Variants in JMJD1C observed in about 807,000 individuals in gnomAD.
The protein encoded by JMJD1C is jumonji domain-containing protein 1C.
JMJD1C carries 31 observed loss-of-function variants against 245.3 expected under a neutral mutation model. The ratio of observed to expected loss-of-function variants is 0.13; its 90% CI spans 0.09 to 0.17. The LOEUF (loss-of-function observed/expected upper bound fraction) is 0.17. JMJD1C is among the 10% of genes least tolerant of loss of function. The pLI, the probability that JMJD1C is intolerant of heterozygous loss-of-function variation, is 1.00. For synonymous variants in JMJD1C, 1,057 were observed against 1,017.4 expected, an observed-to-expected ratio of 1.04 and a Z score of -0.74; for missense variants, 2,691 against 3,000.2, an observed-to-expected ratio of 0.90 and a Z score of 2.41.
At chr10:63,316,393 T>A (rs1219051338) in intron 2 of JMJD1C, among the ~76,000 whole-genome samples, 4 of 152,184 alleles carry the variant, frequency 2.6e-5, no homozygotes, top group African/African-American at 7.2e-5. Context: ...TTCTTACGTG[T>A]TTTTTGGTTT....
intron 1 of JMJD1C, among the ~76,000 whole-genome samples, chr10:63,450,884 G>A (rs1436963897): frequency 1.4e-5 from 2 of 147,626 alleles, no homozygotes. Context: ...GACATAATTT[G>A]TTATGTACAA....
intron 2 of JMJD1C, among the ~76,000 whole-genome samples, chr10:63,272,790 T>A (rs1417497525): frequency 6.6e-6 from 1 of 152,238 alleles, no homozygotes; most frequent in Non-Finnish European, 1.5e-5. Flanking sequence ...TTATTGTACA[T>A]TAGAAAATTT....
At chr10:63,211,542 A>C (rs937711678) in intron 8 of JMJD1C, among the ~76,000 whole-genome samples, 1 of 151,984 alleles carries the variant, frequency 6.6e-6, no homozygotes, top group Non-Finnish European at 1.5e-5. Context: ...TACCCAAAAC[A>C]TAATGACTCC....
intron 3 of JMJD1C, among the ~76,000 whole-genome samples, chr10:63,243,124 T>TATATATATATATAA (rs1491362612): frequency 1.2e-5 from 1 of 85,744 alleles, no homozygotes; most frequent in African/African-American, 2.9e-5. Flanking sequence ...TATATATATA[T>TATATATATATATAA]AAATATATAT....
At chr10:63,172,319 A>G (rs1842443958) in intron 24 of JMJD1C, among the ~76,000 whole-genome samples, 1 of 152,238 alleles carries the variant, frequency 6.6e-6, no homozygotes, top group Non-Finnish European at 1.5e-5. Context: ...TTTTGGAAGT[A>G]GCCAGAGAAA....
At chr10:63,319,420 A>C (rs1224059190) in intron 2 of JMJD1C, among the ~76,000 whole-genome samples, 6 of 149,676 alleles carry the variant, frequency 4.0e-5, no homozygotes, top group Non-Finnish European at 8.9e-5. Context: ...TGGCAGTCTT[A>C]TATTTTAACT....
At chr10:63,168,659 T>C in intron 24 of JMJD1C, 93 bp from the exon 25 acceptor site, 1 of 1,139,088 alleles carries the variant, frequency 8.8e-7, no homozygotes, top group Non-Finnish European at 1.2e-6. Flanking sequence ...CAAGAGACAA[T>C]TCTGCTGGAG....
intron 24 of JMJD1C, among the ~76,000 whole-genome samples, chr10:63,171,788 T>A (rs1345185990): frequency 6.6e-6 from 1 of 152,092 alleles, no homozygotes; most frequent in African/African-American, 2.4e-5. Context: ...GAATACTGAT[T>A]TAGAGTCTGA....
At position 63,178,089 on chromosome 10, in the gene JMJD1C, A is replaced by G. The variant is rs1429988551; in HGVS notation, c.7085-233T>C. Among the ~76,000 whole-genome samples, 2 of 152,052 alleles carry G rather than the reference A, an allele frequency of 1.3e-5. 1 individual carries two copies. The highest frequency in any genetic ancestry group is 1.3e-4 in the Admixed American group (2 of 15,260). ...TCAAGTAGCTGGGACTACAGGTGCA[A>G]GCTGTCACACCCGACTAATTGTTTG... On this transcript the variant is annotated intron_variant, in intron 22 of 25. Transcript: ENST00000399262.
intron 1 of JMJD1C, among the ~76,000 whole-genome samples, chr10:63,516,630 A>G (rs1955026082): frequency 6.6e-6 from 1 of 152,200 alleles, no homozygotes; most frequent in Non-Finnish European, 1.5e-5. Context: ...GGAAAAACAA[A>G]AGCTTCTGTC....
intron 16 of JMJD1C, 75 bp from the exon 17 acceptor site, chr10:63,191,183 G>A: frequency 4.4e-6 from 5 of 1,147,098 alleles, no homozygotes; most frequent in Admixed American, 1.9e-5. Context: ...CCAGGCTGGA[G>A]TGCAGTGGCG....
intron 3 of JMJD1C, among the ~76,000 whole-genome samples, chr10:63,258,427 C>G (rs1171199556): frequency 6.6e-6 from 1 of 152,204 alleles, no homozygotes; most frequent in Non-Finnish European, 1.5e-5. Context: ...AATTTTGTTA[C>G]TCTCCTGAGA....
At position 63,503,244 on chromosome 10, in the gene JMJD1C, C is replaced by A. The variant is rs1239090085; in HGVS notation, n.113+18494G>T. ...ATCATTTAAATGTGAAATTCCCTAA[C>A]TAAAATTGTAGGTTTTTTAGGGGTT... On this transcript the variant is annotated intron_variant and non_coding_transcript_variant, in intron 1 of 3. Transcript: ENST00000633035. 4.6e-5 allele frequency among the ~76,000 whole-genome samples: 7 copies of A among 152,292 alleles called. No homozygotes were observed. In the East Asian group the frequency reaches 9.6e-4, roughly 21 times the overall value.
At chr10:63,503,416 T>G (rs768103347) in intron 1 of JMJD1C, among the ~76,000 whole-genome samples, 22 of 152,172 alleles carry the variant, frequency 1.4e-4, no homozygotes, top group African/African-American at 5.1e-4. Context: ...GTGAAATTAA[T>G]AGTGGAAAAA....
intron 3 of JMJD1C, among the ~76,000 whole-genome samples, chr10:63,254,957 G>A (rs1169968940): frequency 5.3e-5 from 8 of 151,988 alleles, no homozygotes; most frequent in East Asian, 1.9e-4. Context: ...GGGCTCAAGC[G>A]ATCCTCCTGC....
chr10:63,288,915 A>ATAC lies in JMJD1C; in HGVS notation c.334-24152_334-24151insGTA, dbSNP rs1858313323. ...AATAATAATAATAATAATAATAATA[A>ATAC]TAATAATAATAATGATAATAATCTG... On this transcript the variant is annotated intron_variant, in intron 2 of 25. Coordinates refer to ENST00000399262, the MANE Select transcript of JMJD1C (RefSeq NM_032776.3). Among the ~76,000 whole-genome samples the ATAC allele has an allele frequency of 9.1e-5, 13 of 142,932 alleles. No individual in the cohort carries two copies. The South Asian group carries it at 2.7e-3, about 30-fold the overall frequency. 93.8% of individuals were successfully genotyped at this position (142,932 alleles called of 152,430 possible). A position where few individuals can be genotyped will look rare whatever the true frequency, so the allele number is the denominator to read the frequency against.
intron 2 of JMJD1C, among the ~76,000 whole-genome samples, chr10:63,335,920 A>G (rs1409519771): frequency 6.6e-6 from 1 of 151,942 alleles, no homozygotes; most frequent in Non-Finnish European, 1.5e-5. Context: ...CAGGAGTTCA[A>G]GAACAGCCTG....
chr10:63,271,471 C>A (rs1220229169), intron 2 of JMJD1C, among the ~76,000 whole-genome samples: 2 of 152,086 alleles, frequency 1.3e-5, no homozygotes, highest in Non-Finnish European at 2.9e-5. Flanking sequence ...AGCCACCATG[C>A]CCGGATGTAA....
intron 2 of JMJD1C, among the ~76,000 whole-genome samples, chr10:63,372,204 G>A (rs531531332): frequency 6.6e-6 from 1 of 152,252 alleles, no homozygotes; most frequent in South Asian, 2.1e-4. Flanking sequence ...GAGTTTACGT[G>A]TTTATGATGT....
Sources: allele counts gnomAD v4.1 joint callset (sites outside exome capture counted in the v4.1 genomes callset), GRCh38; gene constraint gnomAD v4.1.1; transcripts MANE v1.5; gene names NCBI Gene and HGNC (gene_info 2026-07-23, HGNC 2026-07-21).